The following DNAH5 variants were observed in gnomAD, a reference collection of about 807,000 sequenced individuals.
The protein encoded by DNAH5 is axonemal beta dynein heavy chain 5.
In DNAH5, 372 loss-of-function variants were observed where a neutral mutation model predicts 518.2. The observed-to-expected ratio is 0.72, with a 90% CI of 0.66 to 0.78. The LOEUF (loss-of-function observed/expected upper bound fraction) is 0.78. Ranked by LOEUF, DNAH5 falls within the 30% of genes least tolerant of loss-of-function variation. DNAH5 has a pLI of 0.00. For missense variants in DNAH5, 5,523 were observed against 5,687.0 expected (o/e 0.97, Z 0.93); for synonymous variants, 2,039 against 2,025.9 (o/e 1.01, Z -0.17).
intron 20 of DNAH5, 38 bp from the exon 21 acceptor site, chr5:13,882,853 C>A (rs1264496521): frequency 5.6e-6 from 9 of 1,613,786 alleles, no homozygotes; most frequent in Non-Finnish European, 7.6e-6. Flanking sequence ...TCTGTCCTAT[C>A]TGTAAAAGAA....
At chr5:13,750,229 G>A (rs999474193) in intron 65 of DNAH5, among the ~76,000 whole-genome samples, 14 of 152,284 alleles carry the variant, frequency 9.2e-5, no homozygotes, top group South Asian at 6.2e-4. Context: ...TCAGGTCAGC[G>A]TAGAAGGTGC....
chr5:13,701,334 A>G lies in DNAH5; in HGVS notation c.13441T>C (p.Trp4481Arg). The G allele has an allele frequency of 6.2e-7, 1 of 1,614,158 alleles. No homozygotes were observed. The highest frequency in any genetic ancestry group is 2.2e-5 in the East Asian group (1 of 44,870). Reference protein sequence around the residue: ...WVFNGRPHCFWMTGFFNPQGF... With the variant: ...WVFNGRPHCFRMTGFFNPQGF... Reference sequence around the variant, plus strand: ...TGGGGGTTAAAAAAACCCGTCATCCAAAAGCAGTGAGGTCGGCCATTGAAA... The same window carrying G: ...TGGGGGTTAAAAAAACCCGTCATCCGAAAGCAGTGAGGTCGGCCATTGAAA... Residue 4481 changes from tryptophan (W) to arginine (R), a missense_variant, in exon 77 of 79, where the codon TGG (tryptophan) becomes CGG (arginine). Physicochemically the swap from Trp to Arg is moderately radical, Grantham distance 101 (BLOSUM62 -3). Coordinates refer to ENST00000265104, the MANE Select transcript of DNAH5 (RefSeq NM_001369.3).
At chr5:13,770,681 A>G (rs1280747146) in intron 56 of DNAH5, 68 bp downstream of exon 56, 1 of 1,428,628 alleles carries the variant, frequency 7.0e-7, no homozygotes, top group South Asian at 1.2e-5. Flanking sequence ...AATAGCCACC[A>G]GGGCAAATCT....
chr5:13,871,271 T>C (rs1466155981), intron 23 of DNAH5, among the ~76,000 whole-genome samples: 2 of 152,232 alleles, frequency 1.3e-5, no homozygotes, highest in African/African-American at 4.8e-5. Context: ...CCTCAAAGGT[T>C]TGTTATTGTT....
chr5:13,962,246 T>C (rs1428739951), intron 1 of DNAH5, among the ~76,000 whole-genome samples: 1 of 152,216 alleles, frequency 6.6e-6, no homozygotes, highest in African/African-American at 2.4e-5. Context: ...ACTTATTGTA[T>C]GTAAATTGAA....
At chr5:13,947,574 A>T (rs532062548), upstream of DNAH5, among the ~76,000 whole-genome samples, 1 of 152,324 alleles carries the variant, frequency 6.6e-6, no homozygotes, top group African/African-American at 2.4e-5. Flanking sequence ...GGCAATATCA[A>T]TGGAGAGGAC....
intron 75 of DNAH5, among the ~76,000 whole-genome samples, chr5:13,711,996 A>C (rs1743544931): frequency 6.6e-6 from 1 of 152,202 alleles, no homozygotes; most frequent in Admixed American, 6.5e-5. Context: ...CATTCTTCAA[A>C]GAATGAGAAA....
chr5:13,713,466 T>C (rs200876012), intron 75 of DNAH5, among the ~76,000 whole-genome samples: 5,349 of 98,222 alleles, frequency 0.054, 358 homozygotes, highest in African/African-American at 0.18. Context: ...TATATATATA[T>C]ACACACACCG....
At chr5:13,807,467 G>T in intron 47 of DNAH5, 124 bp downstream of exon 47, 1 of 861,310 alleles carries the variant, frequency 1.2e-6, no homozygotes, top group Non-Finnish European at 1.9e-6. Flanking sequence ...GAAGACGTAC[G>T]TGGGTGATTT....
intron 78 of DNAH5, among the ~76,000 whole-genome samples, chr5:13,699,435 C>T (rs966348795): frequency 7.2e-5 from 11 of 152,104 alleles, no homozygotes; most frequent in Admixed American, 4.6e-4. Context: ...TACTTGGGGC[C>T]GGGCATGGTG....
At position 13,707,772 on chromosome 5, in the gene DNAH5, C is replaced by T. The variant is rs1742991912; in HGVS notation, c.13338+351G>A. 6.6e-6 allele frequency among the ~76,000 whole-genome samples: 1 copy of T among 151,970 alleles called. No individual in the cohort carries two copies. The highest frequency in any genetic ancestry group is 2.1e-4 in the South Asian group (1 of 4,818). On this transcript the variant is annotated intron_variant, in intron 76 of 78. Transcript: ENST00000265104. The surrounding 1 kb of genome is among the most constrained non-coding windows in gnomAD (Gnocchi z 4.0). ...AACCAACATCATGGACTTTGGAGTC[C>T]AGGAGCTTGGGTTTAAATTCTGATT...
chr5:13,921,018 T>C (rs940907631), intron 5 of DNAH5, among the ~76,000 whole-genome samples: 1 of 152,226 alleles, frequency 6.6e-6, no homozygotes, highest in African/African-American at 2.4e-5. Context: ...GCTTTATTCA[T>C]GTATACATAT....
intron 26 of DNAH5, 42 bp from the exon 27 acceptor site, chr5:13,865,948 C>T: frequency 1.6e-6 from 2 of 1,273,700 alleles, no homozygotes; most frequent in Non-Finnish European, 2.3e-6. Flanking sequence ...ATGATTTATA[C>T]ATGATCAACA....
intron 31 of DNAH5, among the ~76,000 whole-genome samples, chr5:13,846,977 T>C (rs549728060): frequency 1.3e-5 from 2 of 152,362 alleles, no homozygotes. Context: ...GTGTTTGTTA[T>C]CCTCCTTACA....
At chr5:13,865,611 A>G in intron 27 of DNAH5, 57 bp downstream of exon 27, 1 of 1,095,206 alleles carries the variant, frequency 9.1e-7, no homozygotes, top group Non-Finnish European at 1.4e-6. Context: ...GCTGCCTATC[A>G]AAGAGGAAAG....
chr5:13,870,695 C>T, intron 24 of DNAH5, 72 bp downstream of exon 24: 1 of 1,331,220 alleles, frequency 7.5e-7, no homozygotes, highest in East Asian at 2.4e-5. Context: ...ACTCCAGACC[C>T]AGTCAATATT....
In DNAH5 at chr5:13,804,373, C is replaced by T. The variant is rs147960157; in HGVS notation, c.7887+3218G>A. On this transcript the variant is annotated intron_variant, in intron 47 of 78. Coordinates refer to ENST00000265104, the MANE Select transcript of DNAH5 (RefSeq NM_001369.3). ...ACGCGCCCTTCGTTGGACAGTGTGC[C>T]ATCTTGGTAACAGCTGAGAAATGGA... 7.7e-3 allele frequency among the ~76,000 whole-genome samples: 1,176 copies of T among 152,282 alleles called. 8 individuals carry two copies. Among genetic ancestry groups the T allele is most frequent in the Middle Eastern group, 0.014 (4 of 294 alleles).
At chr5:13,803,270 T>C (rs1013217586) in intron 47 of DNAH5, among the ~76,000 whole-genome samples, 1 of 152,230 alleles carries the variant, frequency 6.6e-6, no homozygotes, top group Non-Finnish European at 1.5e-5. Flanking sequence ...CCTAATAACA[T>C]CTTCCCATTT....
In DNAH5 at chr5:13,871,783, A is replaced by C. The variant is rs755775358; in HGVS notation, c.3397-18T>G. The C allele has an allele frequency of 4.4e-6, 7 of 1,604,828 alleles. No individual in the cohort carries two copies. The highest frequency in any genetic ancestry group is 6.0e-6 in the Non-Finnish European group (7 of 1,171,946). The stretch of plus-strand genomic sequence containing the variant: ...ATAACTTCCTGAATGCAAATAACAG[A>C]TTTATGTTAAGAAGGAAGAATCTGA... On this transcript the variant is annotated intron_variant, in intron 22 of 78. Coordinates refer to ENST00000265104, the MANE Select transcript of DNAH5 (RefSeq NM_001369.3).
Sources: gnomAD v4.1 joint callset for allele counts (sites outside exome capture counted in the v4.1 genomes callset) on GRCh38, gnomAD v4.1.1 for gene constraint, Gnocchi (gnomAD v3.1) non-coding constraint, MANE v1.5 for transcripts, NCBI Gene and HGNC (gene_info 2026-07-23, HGNC 2026-07-21) for gene names.